The following SFMBT1 variants were observed in gnomAD, a reference collection of about 807,000 sequenced individuals.
SFMBT1 encodes scm-like with four MBT domains protein 1.
SFMBT1 carries 32 observed loss-of-function variants against 108.7 expected under a neutral mutation model. The ratio of observed to expected loss-of-function variants is 0.29; its 90% CI spans 0.22 to 0.40. The LOEUF (loss-of-function observed/expected upper bound fraction) is 0.40. Among genes scored for constraint, SFMBT1 ranks in the 10% least tolerant of loss-of-function variants. SFMBT1 has a pLI of 1.00. For synonymous variants in SFMBT1, 348 were observed against 369.5 expected (o/e 0.94, Z 0.67); for missense variants, 816 against 1,059.6 (o/e 0.77, Z 3.19).
At chr3:52,960,037 C>G (rs1413882105) in intron 2 of SFMBT1, among the ~76,000 whole-genome samples, 1 of 151,790 alleles carries the variant, frequency 6.6e-6, no homozygotes, top group East Asian at 1.9e-4. Context: ...AAACTGGAAG[C>G]AGTAAGTAGA....
chr3:53,026,093 T>C (rs893093395), intron 1 of SFMBT1, among the ~76,000 whole-genome samples: 3 of 152,230 alleles, frequency 2.0e-5, no homozygotes, highest in Non-Finnish European at 4.4e-5. Context: ...TAGTTTTAAA[T>C]TATTAAAAGC....
chr3:53,013,114 G>A (rs1347786601), intron 1 of SFMBT1, among the ~76,000 whole-genome samples: 3 of 151,754 alleles, frequency 2.0e-5, no homozygotes, highest in African/African-American at 7.3e-5. Context: ...GAATTGTGGA[G>A]CTACTGGATT....
intron 1 of SFMBT1, among the ~76,000 whole-genome samples, chr3:52,987,908 C>A (rs927075954): frequency 2.6e-5 from 4 of 152,126 alleles, no homozygotes; most frequent in Non-Finnish European, 4.4e-5. Context: ...CTTATTAATT[C>A]TTTAATGGAA....
chr3:52,921,695 T>C lies in SFMBT1; in HGVS notation c.1258+10A>G. On this transcript the variant is annotated intron_variant, in intron 11 of 20. Coordinates refer to ENST00000394752, the MANE Select transcript of SFMBT1 (RefSeq NM_016329.4). ...GGCCACAGGAAGGCTTCTAGAGTGC[T>C]GGCACTCACCCTCCAGCTGGAGCCA... 6.2e-7 allele frequency: 1 copy of C among 1,613,872 alleles called. No individual in the cohort carries two copies. The highest frequency in any genetic ancestry group is 8.5e-7 in the Non-Finnish European group (1 of 1,179,890).
chr3:53,022,867 T>C (rs1220142990), intron 1 of SFMBT1, among the ~76,000 whole-genome samples: 2 of 152,178 alleles, frequency 1.3e-5, no homozygotes, highest in East Asian at 3.8e-4. Flanking sequence ...ACTATGAACA[T>C]AGTCATACCA....
chr3:52,984,725 A>AGT (rs1704842424), intron 1 of SFMBT1, among the ~76,000 whole-genome samples: 1 of 81,708 alleles, frequency 1.2e-5, no homozygotes, highest in African/African-American at 5.0e-5. Context: ...TATACTAAAT[A>AGT]CTGTGTGTGT....
chr3:52,911,102 T>C lies in SFMBT1; in HGVS notation c.1807A>G (p.Thr603Ala), dbSNP rs1374662892. The C allele has an allele frequency of 6.2e-7, 1 of 1,614,046 alleles. No homozygotes were observed. Among genetic ancestry groups the C allele is most frequent in the African/African-American group, 1.3e-5 (1 of 74,922 alleles). ...ADRVTEFCRQ[T>A]CIKLECCPNL... ...GGACAGCATTCCAGTTTGATACAGG[T>C]TTGCCGGCAGAATTCAGTCACCCGA... The change falls in exon 17 of 21, where the codon ACC becomes GCC. Residue 603 changes from threonine (T) to alanine (A), a missense_variant. This residue lies in a region of SFMBT1 where 79 missense variants were observed against 120.8 expected (regional missense o/e 0.65). Coordinates refer to ENST00000394752, the MANE Select transcript of SFMBT1 (RefSeq NM_016329.4).
At chr3:52,913,078 A>G (rs1420699517) in intron 15 of SFMBT1, among the ~76,000 whole-genome samples, 3 of 152,182 alleles carry the variant, frequency 2.0e-5, no homozygotes, top group African/African-American at 7.2e-5. Flanking sequence ...AAGGTCTCTT[A>G]TCTGTTACTT....
At chr3:52,948,336 T>C (rs942016900) in intron 3 of SFMBT1, among the ~76,000 whole-genome samples, 1 of 152,150 alleles carries the variant, frequency 6.6e-6, no homozygotes, top group Non-Finnish European at 1.5e-5. Context: ...TAATTAAACT[T>C]GATATCTAGT....
At chr3:52,943,258 A>G (rs1703244665) in intron 4 of SFMBT1, 95 bp downstream of exon 4, 3 of 1,476,728 alleles carry the variant, frequency 2.0e-6, no homozygotes, top group East Asian at 2.3e-5. Context: ...GGGTAAACCT[A>G]TATGCTCGAG....
intron 1 of SFMBT1, among the ~76,000 whole-genome samples, chr3:52,992,956 G>A (rs2106898954): frequency 6.6e-6 from 1 of 152,130 alleles, no homozygotes; most frequent in East Asian, 1.9e-4. Context: ...CTGATCAGGA[G>A]TAGTTCTGGC....
intron 1 of SFMBT1, among the ~76,000 whole-genome samples, chr3:52,988,131 G>A (rs771451469): frequency 9.9e-5 from 15 of 152,212 alleles, no homozygotes; most frequent in Non-Finnish European, 1.6e-4. Context: ...CCCTTGGGAG[G>A]TCCAATCACT....
chr3:53,029,702 C>T (rs147854581), intron 1 of SFMBT1, among the ~76,000 whole-genome samples: 52 of 152,334 alleles, frequency 3.4e-4, no homozygotes, highest in African/African-American at 9.9e-4. Context: ...GCATGGTCAA[C>T]ACCTCAGTAG....
chr3:52,972,432 A>G (rs1704376651), intron 1 of SFMBT1, among the ~76,000 whole-genome samples: 1 of 152,178 alleles, frequency 6.6e-6, no homozygotes, highest in African/African-American at 2.4e-5. Context: ...CTTTATTGTT[A>G]GCCTGCTGTC....
chr3:53,030,683 CAAAAAAAA>C (rs10668462), intron 1 of SFMBT1, among the ~76,000 whole-genome samples: 16 of 82,758 alleles, frequency 1.9e-4, no homozygotes, highest in African/African-American at 5.5e-4. Flanking sequence ...GGCCATAATG[CAAAAAAAA>C]AAAAAAAAAA....
At chr3:52,951,247 GGATA>G (rs1703582746) in intron 3 of SFMBT1, among the ~76,000 whole-genome samples, 1 of 141,952 alleles carries the variant, frequency 7.0e-6, no homozygotes, top group Non-Finnish European at 1.5e-5. Flanking sequence ...ATGCAAGCAA[GGATA>G]GAGAGGACTG....
chr3:53,013,064 T>C (rs1414140199), intron 1 of SFMBT1, among the ~76,000 whole-genome samples: 1 of 151,736 alleles, frequency 6.6e-6, no homozygotes, highest in Non-Finnish European at 1.5e-5. Context: ...TGAAAAAGCA[T>C]CTAAAAGACC....
At chr3:52,909,919 C>T (rs1464239052) in intron 17 of SFMBT1, among the ~76,000 whole-genome samples, 2 of 152,176 alleles carry the variant, frequency 1.3e-5, no homozygotes, top group African/African-American at 4.8e-5. Context: ...ATTTCCACCT[C>T]CCCAACTAGT....
At chr3:52,910,283 G>A (rs1468440476) in intron 17 of SFMBT1, among the ~76,000 whole-genome samples, 2 of 152,024 alleles carry the variant, frequency 1.3e-5, no homozygotes, top group African/African-American at 4.8e-5. Flanking sequence ...TTGTATCCCA[G>A]TGCTAGAGCA....
Sources: gnomAD v4.1 joint callset for allele counts (sites outside exome capture counted in the v4.1 genomes callset) on GRCh38, gnomAD v4.1.1 for gene constraint, gnomAD v4.1.1 regional missense constraint, MANE v1.5 for transcripts, NCBI Gene and HGNC (gene_info 2026-07-23, HGNC 2026-07-21) for gene names.